The following SYT16 variants were observed in gnomAD, a reference collection of about 807,000 sequenced individuals.
SYT16 encodes synaptotagmin-16.
In SYT16, 42 loss-of-function variants were observed where a neutral mutation model predicts 61.4. That is an observed-to-expected ratio of 0.68 (90% CI 0.53 to 0.89). The LOEUF (loss-of-function observed/expected upper bound fraction) is 0.89, where lower values mean the gene tolerates loss of function less well. Among genes scored for constraint, SYT16 ranks in the 40% least tolerant of loss-of-function variants. The pLI is 0.00. For synonymous variants in SYT16, 314 were observed against 302.3 expected, an observed-to-expected ratio of 1.04 and a Z score of -0.40; for missense variants, 804 against 807.3, an observed-to-expected ratio of 1.00 and a Z score of 0.05.
intron 1 of SYT16, among the ~76,000 whole-genome samples, chr14:61,932,913 G>T (rs2049833890): frequency 6.6e-6 from 1 of 152,144 alleles, no homozygotes; most frequent in Admixed American, 6.5e-5. Context: ...AAAATCAACT[G>T]CCCAGTCCAG....
chr14:62,039,017 A>G (rs2054613001), intron 3 of SYT16, among the ~76,000 whole-genome samples: 4 of 152,254 alleles, frequency 2.6e-5, no homozygotes, highest in Non-Finnish European at 5.9e-5. Flanking sequence ...ATGGAAGGTC[A>G]GAGAAGTAAA....
chr14:62,085,878 A>G (rs948856487), intron 7 of SYT16, among the ~76,000 whole-genome samples: 1 of 152,212 alleles, frequency 6.6e-6, no homozygotes, highest in Non-Finnish European at 1.5e-5. Flanking sequence ...ATAGCTCTGA[A>G]TTTACTAGAG....
At chr14:62,064,334 G>GAAAAAAAAAAAAAAAA (rs781727444) in intron 3 of SYT16, among the ~76,000 whole-genome samples, 2 of 42,984 alleles carry the variant, frequency 4.7e-5, no homozygotes, top group Non-Finnish European at 8.9e-5. Flanking sequence ...CTTTAAATTT[G>GAAAAAAAAAAAAAAAA]AAAAAAAAAA....
intron 1 of SYT16, among the ~76,000 whole-genome samples, chr14:61,892,287 T>A (rs2048164382): frequency 6.6e-6 from 1 of 152,020 alleles, no homozygotes. Context: ...TCCATCCCCT[T>A]GATTTCTCTC....
intron 3 of SYT16, among the ~76,000 whole-genome samples, chr14:62,016,088 C>T (rs1414887167): frequency 1.3e-5 from 2 of 152,042 alleles, no homozygotes; most frequent in Non-Finnish European, 2.9e-5. Context: ...ATAGTGAAAC[C>T]ATTTACAGTG....
At chr14:61,816,967 T>TGC (rs2045453881) in intron 1 of SYT16, among the ~76,000 whole-genome samples, 1 of 147,216 alleles carries the variant, frequency 6.8e-6, no homozygotes. Flanking sequence ...GCCGAGATCC[T>TGC]GCCACTGCAC....
At chr14:61,908,269 A>G (rs1280211235) in intron 1 of SYT16, among the ~76,000 whole-genome samples, 1 of 152,264 alleles carries the variant, frequency 6.6e-6, no homozygotes, top group Non-Finnish European at 1.5e-5. Context: ...ATTGAAGAGA[A>G]TCAAACATAT....
At chr14:62,025,880 TA>T (rs572218226) in intron 3 of SYT16, among the ~76,000 whole-genome samples, 3,066 of 148,842 alleles carry the variant, frequency 0.021, 28 homozygotes, top group South Asian at 0.029. Flanking sequence ...TGCAAATTGT[TA>T]AAAAAAAAAC....
At chr14:62,077,188 G>A (rs1159146559) in intron 5 of SYT16, among the ~76,000 whole-genome samples, 3 of 152,208 alleles carry the variant, frequency 2.0e-5, no homozygotes, top group African/African-American at 7.2e-5. Context: ...AGGCCACACA[G>A]ATGACATCAA....
At chr14:62,068,147 A>C (rs184929525) in intron 3 of SYT16, among the ~76,000 whole-genome samples, 1 of 152,338 alleles carries the variant, frequency 6.6e-6, no homozygotes, top group East Asian at 1.9e-4. Flanking sequence ...AAACAACCTA[A>C]GTGTCCGTCA....
intron 1 of SYT16, among the ~76,000 whole-genome samples, chr14:61,961,630 G>A (rs1332542661): frequency 6.6e-6 from 1 of 152,150 alleles, no homozygotes; most frequent in Non-Finnish European, 1.5e-5. Flanking sequence ...ATGCTGGCAA[G>A]GTTGTGGAGA....
chr14:61,921,547 C>T (rs963687582), intron 1 of SYT16, among the ~76,000 whole-genome samples: 11 of 152,206 alleles, frequency 7.2e-5, no homozygotes, highest in Non-Finnish European at 1.5e-4. Context: ...TCTATGTATT[C>T]ATTCTCAGTT....
At chr14:61,963,789 G>A (rs375571563) in intron 1 of SYT16, among the ~76,000 whole-genome samples, 25 of 152,156 alleles carry the variant, frequency 1.6e-4, no homozygotes, top group Non-Finnish European at 2.1e-4. Context: ...TTCAAAGGGC[G>A]AGCTGGCCCT....
chr14:62,045,550 C>A (rs2054937340), intron 3 of SYT16, among the ~76,000 whole-genome samples: 1 of 152,026 alleles, frequency 6.6e-6, no homozygotes, highest in Non-Finnish European at 1.5e-5. Flanking sequence ...GTGCTGTACC[C>A]ATTAACTCGT....
chr14:61,986,196 T>G (rs2052302002), intron 2 of SYT16, among the ~76,000 whole-genome samples: 1 of 152,006 alleles, frequency 6.6e-6, no homozygotes, highest in Non-Finnish European at 1.5e-5. Context: ...AACAGACCCC[T>G]GATTATTATT....
rs571282685 is a variant in SYT16 at position 61,899,772 on chromosome 14, A to G, written c.-324-70360A>G. ...GGGAGCAATTGGGCTCAGAGCAGAA[A>G]GACAGATGAGCTGATGTGAGGAGGT... On this transcript the variant is annotated intron_variant, in intron 1 of 7. Coordinates refer to ENST00000683842, the MANE Select transcript of SYT16 (RefSeq NM_001367656.1). 3.9e-5 allele frequency among the ~76,000 whole-genome samples: 6 copies of G among 152,322 alleles called. No homozygotes were observed. In the South Asian group the frequency reaches 1.2e-3, roughly 32 times the overall value.
intron 1 of SYT16, among the ~76,000 whole-genome samples, chr14:61,965,254 T>C (rs1011660113): frequency 2.0e-5 from 3 of 152,146 alleles, no homozygotes; most frequent in African/African-American, 7.2e-5. Context: ...GCCTTCTGAG[T>C]CATTGCTATG....
rs944708679 is a variant in SYT16 at position 62,108,401 on chromosome 14, G to A, written c.*7694G>A. 7.9e-5 allele frequency: 12 copies of A among 152,184 alleles called. No homozygotes were observed. Among genetic ancestry groups the A allele is most frequent in the Admixed American group, 6.5e-4 (10 of 15,276 alleles). The allele number at this position is 152,184 out of a possible 1,614,324, so 9.4% of individuals were successfully genotyped here. On this transcript the variant is annotated 3_prime_UTR_variant, in exon 8 of 8. Transcript: ENST00000683842. ...TGATGTTTGAGAAGAAATATCGGAA[G>A]TCTGCCAGTAAAAACTCTGATTAAG...
intron 7 of SYT16, among the ~76,000 whole-genome samples, chr14:62,087,336 G>A (rs1052923351): frequency 3.6e-5 from 5 of 139,746 alleles, no homozygotes; most frequent in Non-Finnish European, 5.9e-5. Context: ...AGGGAGAGCC[G>A]GCGGCAGCCT....
Sources: gnomAD v4.1 joint callset for allele counts (sites outside exome capture counted in the v4.1 genomes callset) on GRCh38, gnomAD v4.1.1 for gene constraint, MANE v1.5 for transcripts, NCBI Gene and HGNC (gene_info 2026-07-23, HGNC 2026-07-21) for gene names.